The following ITGBL1 variants were observed in gnomAD, a reference collection of about 807,000 sequenced individuals.
The protein encoded by ITGBL1 is integrin subunit beta like 1.
A neutral mutation model predicts 68.5 loss-of-function variants in ITGBL1; 51 were observed. That is an observed-to-expected ratio of 0.74 (90% confidence interval 0.59 to 0.94). The LOEUF (loss-of-function observed/expected upper bound fraction) is 0.94, where lower values mean the gene tolerates loss of function less well. Among genes scored for constraint, ITGBL1 ranks in the 40% least tolerant of loss-of-function variants. The pLI, the probability that ITGBL1 is intolerant of heterozygous loss-of-function variation, is 0.00. For missense variants in ITGBL1, 649 were observed against 647.4 expected, an observed-to-expected ratio of 1.00 and a Z score of -0.03; for synonymous variants, 209 against 227.3, an observed-to-expected ratio of 0.92 and a Z score of 0.72.
intron 7 of ITGBL1, among the ~76,000 whole-genome samples, chr13:101,634,134 G>A (rs988981311): frequency 6.6e-6 from 1 of 152,066 alleles, no homozygotes; most frequent in African/African-American, 2.4e-5. Context: ...CACTAGAATT[G>A]GCTTTCTCAT....
chr13:101,523,997 G>T (rs752769810), intron 2 of ITGBL1, among the ~76,000 whole-genome samples: 60 of 152,252 alleles, frequency 3.9e-4, no homozygotes, highest in Middle Eastern at 3.4e-3. Context: ...TGTGGACTCT[G>T]GCCAAATGAG....
At chr13:101,699,198 G>A (rs1317293105) in intron 8 of ITGBL1, among the ~76,000 whole-genome samples, 3 of 152,218 alleles carry the variant, frequency 2.0e-5, no homozygotes, top group Non-Finnish European at 4.4e-5. Context: ...TCGTGAATTT[G>A]TAAGAGGATC....
chr13:101,708,540 A>G (rs1455828525), intron 9 of ITGBL1, among the ~76,000 whole-genome samples: 1 of 152,202 alleles, frequency 6.6e-6, no homozygotes, highest in Non-Finnish European at 1.5e-5. Flanking sequence ...GCTGCCACAC[A>G]CGAAGGAAGG....
chr13:101,708,671 AGGAT>A (rs746560480), intron 9 of ITGBL1, among the ~76,000 whole-genome samples: 2 of 152,204 alleles, frequency 1.3e-5, no homozygotes, highest in Non-Finnish European at 1.5e-5. Context: ...GACATCAAAG[AGGAT>A]GGATGCTGTG....
intron 2 of ITGBL1, among the ~76,000 whole-genome samples, chr13:101,503,703 C>T (rs1307195677): frequency 6.6e-6 from 1 of 152,154 alleles, no homozygotes; most frequent in Non-Finnish European, 1.5e-5. Flanking sequence ...AGGGGTTAGT[C>T]CCTGGGAGGG....
chr13:101,540,406 G>A (rs1047681884), intron 2 of ITGBL1, among the ~76,000 whole-genome samples: 14 of 152,138 alleles, frequency 9.2e-5, no homozygotes, highest in East Asian at 3.9e-4. Flanking sequence ...TGTTCCATTG[G>A]TCTATATCTC....
At chr13:101,556,857 C>T (rs547874331) in intron 2 of ITGBL1, among the ~76,000 whole-genome samples, 72 of 152,174 alleles carry the variant, frequency 4.7e-4, no homozygotes, top group Non-Finnish European at 9.1e-4. Flanking sequence ...CTTCGAGTCT[C>T]CAGAAATATG....
intron 7 of ITGBL1, among the ~76,000 whole-genome samples, chr13:101,609,950 T>G (rs2031045263): frequency 6.6e-6 from 1 of 152,290 alleles, no homozygotes; most frequent in African/African-American, 2.4e-5. Flanking sequence ...TTTTATGTTG[T>G]AAGTTGAAAA....
At chr13:101,492,632 C>G (rs2048796508) in intron 2 of ITGBL1, among the ~76,000 whole-genome samples, 1 of 152,116 alleles carries the variant, frequency 6.6e-6, no homozygotes, top group Non-Finnish European at 1.5e-5. Flanking sequence ...TTTCCTTTGC[C>G]TTTCTTTTCC....
downstream of ITGBL1, chr13:101,718,421 A>AACTT (rs1236594539): frequency 1.3e-5 from 2 of 152,138 alleles, no homozygotes; most frequent in African/African-American, 4.8e-5. Context: ...GGCAAGAACA[A>AACTT]ACTTACTTGT....
At chr13:101,606,427 G>A (rs188207504) in intron 7 of ITGBL1, among the ~76,000 whole-genome samples, 274 of 151,550 alleles carry the variant, frequency 1.8e-3, no homozygotes, top group African/African-American at 6.0e-3. Context: ...AAAGACATTC[G>A]TCCTAATTTC....
chr13:101,704,130 A>G (rs752621878), intron 8 of ITGBL1, among the ~76,000 whole-genome samples: 8 of 152,094 alleles, frequency 5.3e-5, no homozygotes, highest in Non-Finnish European at 1.2e-4. Flanking sequence ...GACTCTTTAC[A>G]GCACCCTCCT....
chr13:101,585,447 T>C (rs4772393), intron 6 of ITGBL1, among the ~76,000 whole-genome samples: 30,551 of 152,154 alleles, frequency 0.2, 3,182 homozygotes, highest in Non-Finnish European at 0.23. Context: ...ATTTTCTTTT[T>C]TGAGATGGAG....
intron 7 of ITGBL1, among the ~76,000 whole-genome samples, chr13:101,637,341 ATTT>A (rs58584687): frequency 9.3e-4 from 117 of 125,860 alleles, no homozygotes; most frequent in African/African-American, 6.8e-4. Context: ...TTGGAACAGT[ATTT>A]TTTTTTTTTT....
intron 7 of ITGBL1, among the ~76,000 whole-genome samples, chr13:101,683,968 G>C (rs1012264658): frequency 6.6e-6 from 1 of 151,970 alleles, no homozygotes; most frequent in Admixed American, 6.6e-5. Flanking sequence ...ATATGAGACA[G>C]TTGTCAGATA....
intron 2 of ITGBL1, among the ~76,000 whole-genome samples, chr13:101,456,721 C>G (rs910828615): frequency 6.6e-6 from 1 of 152,126 alleles, no homozygotes; most frequent in African/African-American, 2.4e-5. Context: ...CAAGACTAGC[C>G]TGGAGAACAT....
intron 7 of ITGBL1, among the ~76,000 whole-genome samples, chr13:101,692,215 C>A (rs891617050): frequency 6.6e-6 from 1 of 151,854 alleles, no homozygotes; most frequent in Non-Finnish European, 1.5e-5. Flanking sequence ...CCACATCATA[C>A]TAAATTATGT....
At chr13:101,537,300 A>G (rs985405443) in intron 2 of ITGBL1, among the ~76,000 whole-genome samples, 2 of 152,204 alleles carry the variant, frequency 1.3e-5, no homozygotes, top group Non-Finnish European at 1.5e-5. Context: ...ACCAAGAACC[A>G]AAACAAATTT....
At chr13:101,644,069 C>T (rs1022021501) in intron 7 of ITGBL1, among the ~76,000 whole-genome samples, 2 of 152,128 alleles carry the variant, frequency 1.3e-5, no homozygotes, top group South Asian at 4.1e-4. Flanking sequence ...CGTGTCACCT[C>T]GGGGCATAGT....
Sources: allele counts gnomAD v4.1 joint callset (sites outside exome capture counted in the v4.1 genomes callset), GRCh38; gene constraint gnomAD v4.1.1; transcripts MANE v1.5; gene names NCBI Gene and HGNC (gene_info 2026-07-23, HGNC 2026-07-21).